The following TSPAN14 variants were observed in gnomAD, a reference collection of about 807,000 sequenced individuals.
TSPAN14 encodes tetraspanin 14, also known as tetraspanin-14.
In TSPAN14, 16 loss-of-function variants were observed where a neutral mutation model predicts 36.6. The observed-to-expected ratio is 0.44, with a 90% CI of 0.30 to 0.66. The LOEUF is 0.66. Among genes scored for constraint, TSPAN14 ranks in the 30% least tolerant of loss-of-function variants. The probability of loss-of-function intolerance (pLI) is 0.12; values close to 1 mark genes in which losing one functional copy is unlikely to be tolerated. For missense variants in TSPAN14, 231 were observed against 355.1 expected (o/e 0.65, Z 2.81); for synonymous variants, 139 against 143.8 (o/e 0.97, Z 0.24).
chr10:80,457,924 G>A (rs1845804784), intron 1 of TSPAN14, among the ~76,000 whole-genome samples: 1 of 152,242 alleles, frequency 6.6e-6, no homozygotes, highest in Non-Finnish European at 1.5e-5. Context: ...ATAGTGATTA[G>A]TGGGAACACC....
chr10:80,465,533 A>G (rs1846192645), intron 1 of TSPAN14, among the ~76,000 whole-genome samples: 1 of 152,114 alleles, frequency 6.6e-6, no homozygotes, highest in Non-Finnish European at 1.5e-5. Flanking sequence ...CTGCACCCCT[A>G]ATTCCTCTGG....
At chr10:80,480,543 G>A (rs34583742) in intron 1 of TSPAN14, among the ~76,000 whole-genome samples, 49,069 of 152,008 alleles carry the variant, frequency 0.32, 8,852 homozygotes, top group African/African-American at 0.49. Flanking sequence ...ATGTCCAACA[G>A]TGATAGACTG....
chr10:80,464,132 T>C (rs993393954), intron 1 of TSPAN14, among the ~76,000 whole-genome samples: 2 of 151,990 alleles, frequency 1.3e-5, no homozygotes, highest in Non-Finnish European at 2.9e-5. Context: ...AGGGGGAGCG[T>C]TGGTTGCAGC....
chr10:80,494,973 C>A (rs953784943), intron 2 of TSPAN14, among the ~76,000 whole-genome samples: 44 of 152,290 alleles, frequency 2.9e-4, no homozygotes, highest in African/African-American at 1.0e-3. Context: ...TGAGTAGTAT[C>A]CTTGCAGTCT....
At chr10:80,457,646 A>C (rs968593066) in intron 1 of TSPAN14, among the ~76,000 whole-genome samples, 7 of 152,222 alleles carry the variant, frequency 4.6e-5, no homozygotes, top group Non-Finnish European at 1.0e-4. Context: ...TCTGTCCAGC[A>C]CAGCCTGGGC....
chr10:80,470,067 A>T (rs978424616), intron 1 of TSPAN14, among the ~76,000 whole-genome samples: 45 of 152,286 alleles, frequency 3.0e-4, no homozygotes, highest in African/African-American at 1.1e-3. Flanking sequence ...TGTAAGTATT[A>T]TATAATTTAA....
At chr10:80,498,524 TCCAGAAGC>T (rs1848320996) in intron 2 of TSPAN14, among the ~76,000 whole-genome samples, 1 of 152,166 alleles carries the variant, frequency 6.6e-6, no homozygotes, top group Non-Finnish European at 1.5e-5. Context: ...CACTGTTGTC[TCCAGAAGC>T]CCAGTAAAAC....
intron 1 of TSPAN14, among the ~76,000 whole-genome samples, chr10:80,460,654 C>T (rs1845922847): frequency 6.6e-6 from 1 of 152,018 alleles, no homozygotes; most frequent in South Asian, 2.1e-4. Context: ...CTCTTTTTTT[C>T]CAGAAACCTT....
exon 9 of TSPAN14, chr10:80,521,759 T>TA (rs1266021800): frequency 6.6e-6 from 1 of 151,978 alleles, no homozygotes; most frequent in African/African-American, 2.4e-5. Flanking sequence ...CCTTCTCTAC[T>TA]AAAAATACAA....
Position 80,510,267 on chromosome 10 carries a change from A to C in TSPAN14, c.450+796A>C, listed in dbSNP as rs1401750262. ...GAAGAAAATAAATCAGAAACCATTA[A>C]AAATCTATGATTCACTCTCATTATT... is the stretch of plus-strand genomic sequence containing the variant. On this transcript the variant is annotated intron_variant, in intron 5 of 8. Coordinates refer to ENST00000429989, the Ensembl canonical transcript of TSPAN14. 3.9e-5 allele frequency among the ~76,000 whole-genome samples: 6 copies of C among 152,258 alleles called. 1 individual carries two copies.
intron 3 of TSPAN14, among the ~76,000 whole-genome samples, chr10:80,506,995 TGTAGC>T (rs1840338861): frequency 6.6e-6 from 1 of 152,130 alleles, no homozygotes; most frequent in Non-Finnish European, 1.5e-5. Flanking sequence ...AGGAGGAACT[TGTAGC>T]GTAGGTGGAG....
chr10:80,479,504 T>C (rs1267028773), intron 1 of TSPAN14, among the ~76,000 whole-genome samples: 4 of 152,244 alleles, frequency 2.6e-5, no homozygotes, highest in African/African-American at 9.6e-5. Context: ...TTCAGCTTTC[T>C]ACATATGGCT....
intron 1 of TSPAN14, among the ~76,000 whole-genome samples, chr10:80,475,640 T>C (rs143894561): frequency 0.01 from 1,537 of 152,178 alleles, 38 homozygotes; most frequent in African/African-American, 0.035. Context: ...CAGGCTGGAG[T>C]GCAGTGGCGC....
chr10:80,502,628 A>G (rs1848585230), intron 2 of TSPAN14, among the ~76,000 whole-genome samples: 1 of 151,826 alleles, frequency 6.6e-6, no homozygotes, highest in African/African-American at 2.4e-5. Flanking sequence ...GGTGCCACTG[A>G]ATGAGACGGA....
exon 7 of TSPAN14, chr10:80,514,050 A>T: frequency 6.2e-7 from 1 of 1,613,914 alleles, no homozygotes; most frequent in Non-Finnish European, 8.5e-7. Flanking sequence ...TGTGGATATG[A>T]TGTCAGGATT....
rs377555562 is a variant in TSPAN14, at chr10:80,501,340, G to C, written c.82-3388G>C. ...GGGGTCTTGCTATGTTGCCCAGGCT[G>C]GTCTTGAACGCCTGGGCTCAAGCAA... On this transcript the variant is annotated intron_variant, in intron 2 of 8. Coordinates refer to ENST00000429989, the Ensembl canonical transcript of TSPAN14. Among the ~76,000 whole-genome samples, 3 of 146,654 alleles carry C rather than the reference G, an allele frequency of 2.0e-5. No individual in the cohort carries two copies. The South Asian group carries it at 6.4e-4, about 31-fold the overall frequency.
In TSPAN14 at chr10:80,509,871, A is replaced by C; in HGVS notation, c.450+400A>C. On this transcript the variant is annotated intron_variant, in intron 5 of 8. Coordinates refer to ENST00000429989, the Ensembl canonical transcript of TSPAN14. The surrounding 1 kb of genome is among the most constrained non-coding windows in gnomAD (Gnocchi z 4.7). Reference sequence around the variant, plus strand: ...TGACTCACCATCTGACGCTATTCCTATCCCCTTCCTCCCCGGGACCTTTTC... The same window carrying C: ...TGACTCACCATCTGACGCTATTCCTCTCCCCTTCCTCCCCGGGACCTTTTC... 6.1e-6 allele frequency: 1 copy of C among 163,412 alleles called. No individual in the cohort carries two copies. Among genetic ancestry groups the C allele is most frequent in the Non-Finnish European group, 1.3e-5 (1 of 74,912 alleles). 10.1% of individuals were successfully genotyped at this position (163,412 alleles called of 1,614,324 possible).
At chr10:80,497,464 A>G (rs924246303) in intron 2 of TSPAN14, among the ~76,000 whole-genome samples, 2 of 152,374 alleles carry the variant, frequency 1.3e-5, no homozygotes, top group Middle Eastern at 3.4e-3. Context: ...CTTTCCCATT[A>G]TAACAGCAGA....
chr10:80,488,058 G>A (rs1847715551), intron 1 of TSPAN14, among the ~76,000 whole-genome samples: 1 of 152,232 alleles, frequency 6.6e-6, no homozygotes, highest in African/African-American at 2.4e-5. Flanking sequence ...GGATGTGGGT[G>A]GGTCGCCTCC....
Sources: gnomAD v4.1 joint callset for allele counts (sites outside exome capture counted in the v4.1 genomes callset) on GRCh38, gnomAD v4.1.1 for gene constraint, Gnocchi (gnomAD v3.1) non-coding constraint, MANE v1.5 for transcripts, NCBI Gene and HGNC (gene_info 2026-07-23, HGNC 2026-07-21) for gene names.